Variants in MADD observed in about 807,000 individuals in gnomAD.
MADD encodes the protein MAP kinase activating death domain.
Under a neutral mutation model 176.7 loss-of-function variants are expected in MADD, and 109 were observed. The observed-to-expected ratio is 0.62, with a 90% CI of 0.53 to 0.72. MADD has a LOEUF of 0.72. Ranked by LOEUF, MADD falls within the 30% of genes least tolerant of loss-of-function variation. The pLI, the probability that MADD is intolerant of heterozygous loss-of-function variation, is 0.00. For synonymous variants in MADD, 771 were observed against 771.3 expected, an observed-to-expected ratio of 1.00 and a Z score of 0.01; for missense variants, 1,914 against 2,045.5, an observed-to-expected ratio of 0.94 and a Z score of 1.24.
chr11:47,324,864 G>A, intron 30 of MADD: 1 of 614,402 alleles, frequency 1.6e-6, no homozygotes. Context: ...GTGTGAGTGG[G>A]AGCGTCTCAC....
chr11:47,311,681 A>G, intron 25 of MADD, 51 bp from the exon 29 acceptor site: 1 of 1,114,516 alleles, frequency 9.0e-7, no homozygotes, highest in Non-Finnish European at 1.4e-6. Flanking sequence ...TCTCTACCTC[A>G]GTCGGGAGGA....
chr11:47,311,965 T>C, intron 26 of MADD, 123 bp downstream of exon 29: 1 of 627,062 alleles, frequency 1.6e-6, no homozygotes, highest in Non-Finnish European at 2.9e-6. Flanking sequence ...AATGAGGCAT[T>C]AGTCCCTGTG....
chr11:47,311,725 T>G lies in MADD; in HGVS notation c.3979-7T>G. The G allele has an allele frequency of 2.5e-6, 4 of 1,587,888 alleles. No individual in the cohort carries two copies. Among genetic ancestry groups the G allele is most frequent in the Non-Finnish European group, 3.5e-6 (4 of 1,156,128 alleles). On this transcript the variant is annotated splice_polypyrimidine_tract_variant and splice_region_variant and intron_variant, in intron 25 of 32. Transcript: ENST00000402192. ...CCCTTGTTAAGAGTCATGTGTTGGC[T>G]TTTCAGGTAAATAAGAATGACATCC...
chr11:47,275,416 C>T (rs1433665638), intron 3 of MADD, among the ~76,000 whole-genome samples: 3 of 152,164 alleles, frequency 2.0e-5, no homozygotes, highest in Non-Finnish European at 2.9e-5. Flanking sequence ...CTCAGCCTCC[C>T]GAGTAGCTGG....
chr11:47,318,866 G>A (rs911374183), intron 27 of MADD, among the ~76,000 whole-genome samples: 1 of 128,638 alleles, frequency 7.8e-6, no homozygotes, highest in Admixed American at 9.0e-5. Context: ...GAAGTGCAGT[G>A]GTACAATCTT....
chr11:47,273,963 A>G, exon 2 of MADD: 6 of 1,614,042 alleles, frequency 3.7e-6, no homozygotes, highest in Non-Finnish European at 5.1e-6. Flanking sequence ...CTATCTAGTG[A>G]TCGTAGGGGC....
exon 27 of MADD, chr11:47,315,251 G>T: frequency 6.2e-7 from 1 of 1,613,680 alleles, no homozygotes; most frequent in Non-Finnish European, 8.5e-7. Context: ...TGGTCCAGTG[G>T]CAGCCGGCAC....
exon 4 of MADD, chr11:47,275,930 C>T: frequency 6.2e-7 from 1 of 1,612,742 alleles, no homozygotes; most frequent in Non-Finnish European, 8.5e-7. Context: ...TACTGGATCG[C>T]TGCTGGTAGA....
chr11:47,295,063 A>G (rs1244891691), intron 20 of MADD, among the ~76,000 whole-genome samples: 1 of 149,000 alleles, frequency 6.7e-6, no homozygotes, highest in East Asian at 2.0e-4. Flanking sequence ...GCAGCTGGAG[A>G]GCAGTGGTGT....
exon 5 of MADD, chr11:47,276,756 A>G: frequency 6.2e-7 from 1 of 1,614,198 alleles, no homozygotes; most frequent in Non-Finnish European, 8.5e-7. Flanking sequence ...CCGAGACTAC[A>G]ATGCACTCTC....
chr11:47,328,908 G>A (rs1287044218), intron 32 of MADD, 138 bp from the exon 37 acceptor site: 3 of 960,038 alleles, frequency 3.1e-6, no homozygotes, highest in Admixed American at 3.8e-5. Flanking sequence ...CATGGGGACA[G>A]CTTCCTTGCT....
chr11:47,286,351 G>A, intron 14 of MADD, 82 bp from the exon 15 acceptor site: 1 of 851,936 alleles, frequency 1.2e-6, no homozygotes, highest in Non-Finnish European at 2.0e-6. Flanking sequence ...AAGGAGGGAG[G>A]TGCAGATGCT....
At chr11:47,309,437 C>T (rs1343304045) in intron 24 of MADD, 36 bp downstream of exon 27, 3 of 1,614,058 alleles carry the variant, frequency 1.9e-6, no homozygotes, top group Non-Finnish European at 2.5e-6. Context: ...AATCAGCAAA[C>T]TCAGCCTCCT....
exon 32 of MADD, chr11:47,328,693 A>C: frequency 1.2e-6 from 2 of 1,614,210 alleles, no homozygotes; most frequent in Non-Finnish European, 1.7e-6. Flanking sequence ...CCACAAGTAC[A>C]AGACACCAAT....
intron 18 of MADD, 70 bp from the exon 20 acceptor site, chr11:47,290,540 C>T: frequency 2.0e-6 from 3 of 1,483,572 alleles, no homozygotes; most frequent in Admixed American, 1.9e-5. Flanking sequence ...ATCCTGGCTC[C>T]TCCCACCTCA....
At chr11:47,285,322 G>C in intron 13 of MADD, 128 bp downstream of exon 13, 2 of 1,550,864 alleles carry the variant, frequency 1.3e-6, no homozygotes, top group Non-Finnish European at 1.7e-6. Flanking sequence ...CCCAGAGGAT[G>C]GTGTTCTGAT....
At chr11:47,278,401 C>A in intron 6 of MADD, 123 bp downstream of exon 6, 1 of 715,444 alleles carries the variant, frequency 1.4e-6, no homozygotes. Flanking sequence ...ATTTCTATTG[C>A]GAGACTTACT....
chr11:47,317,294 G>C (rs1427950485), intron 27 of MADD, among the ~76,000 whole-genome samples: 1 of 152,176 alleles, frequency 6.6e-6, no homozygotes, highest in African/African-American at 2.4e-5. Context: ...TGCTGTGCCT[G>C]CTTCATTTCA....
chr11:47,287,260 T>C (rs1280960769), intron 15 of MADD, among the ~76,000 whole-genome samples: 1 of 152,064 alleles, frequency 6.6e-6, no homozygotes. Flanking sequence ...AGGCGGAGGT[T>C]GCAGTGAGCC....
Sources: allele counts gnomAD v4.1 joint callset (sites outside exome capture counted in the v4.1 genomes callset), GRCh38; gene constraint gnomAD v4.1.1; transcripts MANE v1.5; gene names NCBI Gene and HGNC (gene_info 2026-07-23, HGNC 2026-07-21).